The following WDPCP variants were observed in gnomAD, a reference collection of about 807,000 sequenced individuals.
WDPCP encodes the protein WD repeat-containing and planar cell polarity effector protein fritz homolog.
WDPCP carries 71 observed loss-of-function variants against 93.1 expected under a neutral mutation model. The ratio of observed to expected loss-of-function variants is 0.76; its 90% CI spans 0.63 to 0.93. The LOEUF (loss-of-function observed/expected upper bound fraction) is 0.93, where lower values mean the gene tolerates loss of function less well. Ranked by LOEUF, WDPCP falls within the 40% of genes least tolerant of loss-of-function variation. The pLI is 0.00. For missense variants in WDPCP, 844 were observed against 887.4 expected (o/e 0.95, Z 0.62); for synonymous variants, 315 against 315.0 (o/e 1.00, Z 0.00).
chr2:63,203,940 C>T (rs1676118131), intron 14 of WDPCP, among the ~76,000 whole-genome samples: 1 of 152,104 alleles, frequency 6.6e-6, no homozygotes. Context: ...TTTTCTTTAT[C>T]CATTCATCTG....
chr2:63,547,524 T>C (rs1016885299), intron 1 of WDPCP, among the ~76,000 whole-genome samples: 2 of 151,166 alleles, frequency 1.3e-5, no homozygotes, highest in Non-Finnish European at 2.9e-5. Context: ...TGCCCATCAA[T>C]GGATAAACAG....
At chr2:63,479,404 T>C (rs778007184) in intron 6 of WDPCP, among the ~76,000 whole-genome samples, 11 of 151,982 alleles carry the variant, frequency 7.2e-5, no homozygotes, top group Non-Finnish European at 1.2e-4. Flanking sequence ...TACAGACCAA[T>C]ATTCCTGATG....
intron 1 of WDPCP, among the ~76,000 whole-genome samples, chr2:63,565,995 C>T (rs1707018641): frequency 6.6e-6 from 1 of 152,202 alleles, no homozygotes; most frequent in African/African-American, 2.4e-5. Context: ...CCTAACTCAT[C>T]TATACTCAGT....
At chr2:63,533,351 A>T (rs1213309624) in intron 1 of WDPCP, among the ~76,000 whole-genome samples, 1 of 152,208 alleles carries the variant, frequency 6.6e-6, no homozygotes. Flanking sequence ...GTTCTGCACC[A>T]AGCGAACCTA....
intron 15 of WDPCP, among the ~76,000 whole-genome samples, chr2:63,169,215 A>C (rs1316769505): frequency 6.6e-6 from 1 of 152,214 alleles, no homozygotes; most frequent in Non-Finnish European, 1.5e-5. Flanking sequence ...TCTCATGGTT[A>C]GATGAAACTC....
intron 13 of WDPCP, among the ~76,000 whole-genome samples, chr2:63,260,312 A>G: frequency 6.6e-6 from 1 of 152,206 alleles, no homozygotes; most frequent in Non-Finnish European, 1.5e-5. Context: ...TGATTGTTGG[A>G]ATGAAAATTT....
At chr2:63,509,853 C>A (rs1180520593) in intron 1 of WDPCP, among the ~76,000 whole-genome samples, 2 of 152,116 alleles carry the variant, frequency 1.3e-5, no homozygotes, top group Admixed American at 6.5e-5. Flanking sequence ...AATTCCTAGA[C>A]ACATATACCC....
At chr2:63,221,002 G>A (rs1195584716) in intron 14 of WDPCP, among the ~76,000 whole-genome samples, 3 of 152,136 alleles carry the variant, frequency 2.0e-5, no homozygotes, top group Non-Finnish European at 4.4e-5. Context: ...ATGGCTTTCA[G>A]CTCCATCCCT....
At chr2:63,541,678 G>A (rs1459470313) in intron 1 of WDPCP, among the ~76,000 whole-genome samples, 2 of 152,052 alleles carry the variant, frequency 1.3e-5, no homozygotes. Context: ...TAAAGGTAAG[G>A]CGATAAGAGT....
intron 13 of WDPCP, among the ~76,000 whole-genome samples, chr2:63,287,363 A>T (rs1684083763): frequency 6.6e-6 from 1 of 151,872 alleles, no homozygotes. Context: ...TTCTAAAAAT[A>T]CCTAGGGTTT....
chr2:63,598,130 A>G (rs1228137664), intron 3 of WDPCP: 3 of 151,716 alleles, frequency 2.0e-5, no homozygotes, highest in African/African-American at 7.3e-5. Flanking sequence ...TTTTTTATTA[A>G]TTTTTTTAAT....
intron 2 of WDPCP, among the ~76,000 whole-genome samples, chr2:63,716,671 G>A (rs1362646891): frequency 2.0e-5 from 3 of 152,182 alleles, no homozygotes; most frequent in Non-Finnish European, 4.4e-5. Context: ...CCGACGGGAG[G>A]ACAGGGAGCA....
chr2:63,484,931 G>C lies in WDPCP; in HGVS notation c.310C>G (p.Leu104Val). The C allele has an allele frequency of 6.2e-7, 1 of 1,612,524 alleles. No individual in the cohort carries two copies. The change falls in exon 5 of 18, where the codon CTC (leucine) becomes GTC (valine). Residue 104 changes from leucine to valine, a missense_variant. Physicochemically the swap from Leu to Val is conservative, Grantham distance 32. Coordinates refer to ENST00000272321, the MANE Select transcript of WDPCP (RefSeq NM_015910.7). ...NRRPEKLRDS[L>V]KELEELMQNS... ...TTGAAAGATACCTCCAACTCTTTGAGCGAGTCTCGGAGTTTTTCTGGGCGT... is the reference window on the plus strand; with the variant it reads ...TTGAAAGATACCTCCAACTCTTTGACCGAGTCTCGGAGTTTTTCTGGGCGT...
chr2:63,622,596 T>C lies in WDPCP; in HGVS notation n.488+28063A>G, dbSNP rs1709756744. ...GTCCACAATAGAGTCCTCCAGGATGTACACCGAGTGAGCAACATTGGCAGG... is the reference window on the plus strand; with the variant it reads ...GTCCACAATAGAGTCCTCCAGGATGCACACCGAGTGAGCAACATTGGCAGG... On this transcript the variant is annotated intron_variant and non_coding_transcript_variant, in intron 3 of 4. Transcript: ENST00000467687. 1.9e-6 allele frequency: 3 copies of C among 1,613,930 alleles called. No homozygotes were observed. In the Admixed American group the frequency reaches 5.0e-5, roughly 27 times the overall value.
intron 1 of WDPCP, among the ~76,000 whole-genome samples, chr2:63,584,987 C>T (rs994611253): frequency 3.9e-5 from 6 of 152,162 alleles, no homozygotes; most frequent in Non-Finnish European, 7.4e-5. Flanking sequence ...AATTCTACCA[C>T]TTGACCACTC....
chr2:63,668,833 T>A (rs1029980056), intron 2 of WDPCP, among the ~76,000 whole-genome samples: 5 of 152,202 alleles, frequency 3.3e-5, no homozygotes, highest in Admixed American at 1.3e-4. Flanking sequence ...TGTGACAGAC[T>A]CTAATAGGCA....
At chr2:63,682,343 ATAAT>A (rs1668721997) in intron 2 of WDPCP, among the ~76,000 whole-genome samples, 1 of 152,240 alleles carries the variant, frequency 6.6e-6, no homozygotes, top group Non-Finnish European at 1.5e-5. Flanking sequence ...AGAGATTGAA[ATAAT>A]TAAAAAGAAT....
intron 3 of WDPCP, among the ~76,000 whole-genome samples, chr2:63,625,756 T>C (rs567067395): frequency 2.3e-4 from 35 of 152,244 alleles, no homozygotes; most frequent in Non-Finnish European, 4.0e-4. Context: ...AAAATGGCCA[T>C]ACTGCCTAAA....
chr2:63,779,805 A>G (rs1241355482), intron 2 of WDPCP, among the ~76,000 whole-genome samples: 2 of 152,168 alleles, frequency 1.3e-5, no homozygotes, highest in Non-Finnish European at 2.9e-5. Context: ...AAAAACCCTT[A>G]AACCTCACTC....
Sources: gnomAD v4.1 joint callset for allele counts (sites outside exome capture counted in the v4.1 genomes callset) on GRCh38, gnomAD v4.1.1 for gene constraint, MANE v1.5 for transcripts, NCBI Gene and HGNC (gene_info 2026-07-23, HGNC 2026-07-21) for gene names.